RALA: variants seen among roughly 807,000 people sequenced by gnomAD.
RALA encodes the protein ras-related protein Ral-A.
Under a neutral mutation model 24.0 loss-of-function variants are expected in RALA, and 5 were observed. The observed-to-expected ratio is 0.21, with a 90% CI of 0.11 to 0.44. The LOEUF is 0.44. Ranked by LOEUF, RALA falls within the 20% of genes least tolerant of loss-of-function variation. The pLI is 0.99. For synonymous variants in RALA, 77 were observed against 83.8 expected (o/e 0.92, Z 0.44); for missense variants, 95 against 241.2 (o/e 0.39, Z 4.01).
chr7:39,672,901 T>G (rs1792414621), intron 1 of RALA, among the ~76,000 whole-genome samples: 2 of 152,354 alleles, frequency 1.3e-5, no homozygotes, highest in South Asian at 4.1e-4. Flanking sequence ...GTTACATGAC[T>G]GTATACATTT....
chr7:39,671,770 A>G lies in RALA; in HGVS notation c.-37-14861A>G, dbSNP rs189957901. ...AACAGAATATTACTTTTCTTAGTTC[A>G]GTCTTTGTTATTATTTTGTGTTCTT... is the stretch of plus-strand genomic sequence containing the variant. On this transcript the variant is annotated intron_variant, in intron 1 of 4. Coordinates refer to ENST00000005257, the MANE Select transcript of RALA (RefSeq NM_005402.4). 1.3e-3 allele frequency among the ~76,000 whole-genome samples: 205 copies of G among 152,346 alleles called. 2 individuals carry two copies. Among genetic ancestry groups the G allele is most frequent in the African/African-American group, 4.8e-3 (199 of 41,596 alleles).
intron 4 of RALA, among the ~76,000 whole-genome samples, chr7:39,699,138 T>A (rs1031908380): frequency 5.0e-4 from 63 of 125,470 alleles, no homozygotes; most frequent in Middle Eastern, 7.4e-3. Flanking sequence ...TTTTTTTTTT[T>A]TTTTTTTTTT....
chr7:39,642,906 A>G (rs1791846526), intron 1 of RALA, among the ~76,000 whole-genome samples: 1 of 152,240 alleles, frequency 6.6e-6, no homozygotes, highest in Non-Finnish European at 1.5e-5. Context: ...CAGGCCACAC[A>G]TCATTCATTT....
chr7:39,677,165 A>C (rs1256097270), intron 1 of RALA, among the ~76,000 whole-genome samples: 1 of 152,238 alleles, frequency 6.6e-6, no homozygotes, highest in Non-Finnish European at 1.5e-5. Context: ...CCCAGGCTCT[A>C]GAAGCGAAAG....
At chr7:39,626,186 G>A (rs1028602568) in intron 1 of RALA, among the ~76,000 whole-genome samples, 5 of 152,158 alleles carry the variant, frequency 3.3e-5, no homozygotes, top group Admixed American at 6.5e-5. Context: ...CTTTAATTCA[G>A]CAACCCTCTT....
intron 1 of RALA, among the ~76,000 whole-genome samples, chr7:39,655,216 T>C (rs1792076127): frequency 6.6e-6 from 1 of 152,184 alleles, no homozygotes; most frequent in Admixed American, 6.5e-5. Flanking sequence ...AAACAAATTG[T>C]AAGATATCCA....
intron 1 of RALA, among the ~76,000 whole-genome samples, chr7:39,667,121 A>G (rs1792298036): frequency 6.6e-6 from 1 of 152,338 alleles, no homozygotes; most frequent in South Asian, 2.1e-4. Flanking sequence ...GGTCATCCAT[A>G]TCAGAAAACT....
intron 1 of RALA, among the ~76,000 whole-genome samples, chr7:39,659,445 C>T (rs770571070): frequency 9.9e-5 from 15 of 151,400 alleles, no homozygotes; most frequent in Non-Finnish European, 1.9e-4. Context: ...TGTATAACTT[C>T]AACTTAAGAT....
intron 1 of RALA, among the ~76,000 whole-genome samples, chr7:39,675,254 G>A (rs1186713285): frequency 2.6e-5 from 4 of 152,324 alleles, no homozygotes; most frequent in African/African-American, 9.6e-5. Context: ...GGGTCCTGGG[G>A]ATGCTGAATA....
At chr7:39,685,133 A>G (rs1792675920) in intron 1 of RALA, among the ~76,000 whole-genome samples, 1 of 152,224 alleles carries the variant, frequency 6.6e-6, no homozygotes, top group Admixed American at 6.5e-5. Flanking sequence ...AAGGATTATG[A>G]AGGAAAAGTA....
At chr7:39,669,088 T>C (rs1454055580) in intron 1 of RALA, among the ~76,000 whole-genome samples, 3 of 152,162 alleles carry the variant, frequency 2.0e-5, no homozygotes, top group African/African-American at 7.2e-5. Context: ...CACTCCGGCC[T>C]AGCGACAGAG....
intron 4 of RALA, among the ~76,000 whole-genome samples, chr7:39,705,004 C>T (rs192894717): frequency 1.2e-3 from 178 of 152,256 alleles, no homozygotes; most frequent in African/African-American, 3.8e-3. Context: ...CGTAAAACAC[C>T]TATGTCTCTA....
At chr7:39,648,835 G>A (rs1218880030) in intron 1 of RALA, among the ~76,000 whole-genome samples, 5 of 152,078 alleles carry the variant, frequency 3.3e-5, no homozygotes, top group Admixed American at 6.5e-5. Flanking sequence ...CGAGGCAAGC[G>A]GATCACTTGA....
intron 1 of RALA, among the ~76,000 whole-genome samples, chr7:39,645,700 A>C (rs1791914824): frequency 6.6e-6 from 1 of 152,218 alleles, no homozygotes; most frequent in South Asian, 2.1e-4. Context: ...AATAATAGGC[A>C]CTGGCACTTA....
intron 1 of RALA, among the ~76,000 whole-genome samples, chr7:39,660,947 A>C (rs1792175791): frequency 6.6e-6 from 1 of 152,190 alleles, no homozygotes. Flanking sequence ...AAGAGTGAGT[A>C]ATTTATAAAG....
At chr7:39,689,151 T>C (rs1402988320) in intron 2 of RALA, among the ~76,000 whole-genome samples, 2 of 152,114 alleles carry the variant, frequency 1.3e-5, no homozygotes, top group Admixed American at 6.6e-5. Context: ...GAGATTTGGG[T>C]GGGGACACAG....
chr7:39,677,040 G>A (rs934624147), intron 1 of RALA, among the ~76,000 whole-genome samples: 1 of 152,236 alleles, frequency 6.6e-6, no homozygotes, highest in African/African-American at 2.4e-5. Context: ...TGAATCACCA[G>A]TGTCATAAAA....
chr7:39,657,438 C>G (rs1426626532), intron 1 of RALA, among the ~76,000 whole-genome samples: 1 of 152,108 alleles, frequency 6.6e-6, no homozygotes, highest in East Asian at 1.9e-4. Flanking sequence ...AATGAAACTT[C>G]TAGGTAAACA....
At chr7:39,667,317 C>G (rs562309618) in intron 1 of RALA, among the ~76,000 whole-genome samples, 2 of 152,312 alleles carry the variant, frequency 1.3e-5, no homozygotes, top group African/African-American at 4.8e-5. Context: ...ATATATGTGT[C>G]TACCTCCTCT....
Sources: gnomAD v4.1 joint callset for allele counts (sites outside exome capture counted in the v4.1 genomes callset) on GRCh38, gnomAD v4.1.1 for gene constraint, MANE v1.5 for transcripts, NCBI Gene and HGNC (gene_info 2026-07-23, HGNC 2026-07-21) for gene names.